Variants in PFKFB1 observed in about 807,000 individuals in gnomAD.
PFKFB1 encodes 6-phosphofructo-2-kinase/fructose-2,6-biphosphatase 1.
Under a neutral mutation model 46.4 loss-of-function variants are expected in PFKFB1, and 34 were observed. That is an observed-to-expected ratio of 0.73 (90% CI 0.56 to 0.98). The LOEUF (loss-of-function observed/expected upper bound fraction) is 0.98. Ranked by LOEUF, PFKFB1 falls within the 50% of genes least tolerant of loss-of-function variation. The pLI is 0.00. For missense variants in PFKFB1, 393 were observed against 376.3 expected, an observed-to-expected ratio of 1.04 and a Z score of -0.37; for synonymous variants, 119 against 133.8, an observed-to-expected ratio of 0.89 and a Z score of 0.76.
At chrX:54,954,970 T>A (rs1037334414) in intron 7 of PFKFB1, among the ~76,000 whole-genome samples, 1 of 112,094 alleles carries the variant, frequency 8.9e-6, no homozygotes, top group African/African-American at 3.2e-5. Context: ...TTCACTTACA[T>A]CCTTCACCCC....
chrX:54,986,317 A>G (rs1286321315), intron 1 of PFKFB1, among the ~76,000 whole-genome samples: 1 of 112,311 alleles, frequency 8.9e-6, no homozygotes, highest in Non-Finnish European at 1.9e-5. Context: ...AAAAAGAGAA[A>G]GAAGCAAATA....
At position 54,948,462 on chromosome X, in the gene PFKFB1, CATT is replaced by C. The variant is rs752883327; in HGVS notation, c.993+610_993+612del. 8.0e-5 allele frequency among the ~76,000 whole-genome samples: 9 copies of C among 112,169 alleles called. No individual in the cohort carries two copies. The East Asian group carries it at 1.1e-3, about 14-fold the overall frequency. On this transcript the variant is annotated intron_variant, in intron 9 of 13. Coordinates refer to ENST00000375006, the MANE Select transcript of PFKFB1 (RefSeq NM_002625.4). ...GATGTGGACCCCATCAATGACATCT[CATT>C]GTTGTTTGGGCAGCATTTGAATCCC...
intron 10 of PFKFB1, among the ~76,000 whole-genome samples, chrX:54,940,947 C>G (rs1465094578): frequency 9.0e-6 from 1 of 111,611 alleles, no homozygotes; most frequent in Non-Finnish European, 1.9e-5. Flanking sequence ...AATCCTAAGT[C>G]AAAAGAACAA....
intron 1 of PFKFB1, 134 bp from the exon 2 acceptor site, chrX:54,963,516 T>C: frequency 1.6e-6 from 1 of 622,187 alleles, no homozygotes; most frequent in Non-Finnish European, 2.4e-6. Context: ...AAGTGAAAAT[T>C]AAGAACTTCT....
At chrX:54,977,094 C>G (rs947529298) in intron 1 of PFKFB1, among the ~76,000 whole-genome samples, 1 of 110,486 alleles carries the variant, frequency 9.1e-6, no homozygotes, top group Non-Finnish European at 1.9e-5. Context: ...TGTCAAAACT[C>G]ACAAAACTGA....
At chrX:54,934,796 C>G in intron 12 of PFKFB1, 151 bp downstream of exon 12, 1 of 473,723 alleles carries the variant, frequency 2.1e-6, no homozygotes, top group Non-Finnish European at 3.8e-6. Flanking sequence ...CTACTACCAT[C>G]AGTCCCACCC....
At chrX:54,940,368 C>A (rs1933575967) in intron 10 of PFKFB1, among the ~76,000 whole-genome samples, 1 of 111,698 alleles carries the variant, frequency 9.0e-6, no homozygotes, top group East Asian at 2.8e-4. Context: ...TCCTATTCAA[C>A]ATAGTGTTGG....
At position 54,949,061 on chromosome X, in the gene PFKFB1, C is replaced by T. The variant is rs748913047; in HGVS notation, c.993+14G>A. On this transcript the variant is annotated intron_variant, in intron 9 of 13. Transcript: ENST00000375006. Reference sequence around the variant, plus strand: ...TCACCCCCACACACAGGAGATTCACCCCATGCATCTCACCGCATCAATCTC... The same window carrying T: ...TCACCCCCACACACAGGAGATTCACTCCATGCATCTCACCGCATCAATCTC... 1.1e-4 allele frequency: 129 copies of T among 1,205,325 alleles called. No individual in the cohort carries two copies. The South Asian group carries it at 2.1e-3, about 19-fold the overall frequency.
At chrX:54,967,455 C>A (rs899219358) in intron 1 of PFKFB1, among the ~76,000 whole-genome samples, 1 of 104,334 alleles carries the variant, frequency 9.6e-6, no homozygotes, top group Middle Eastern at 4.4e-3. Context: ...GCAACAAAAG[C>A]CAAAATTGAC....
At chrX:54,989,461 C>T (rs1273921824) in intron 1 of PFKFB1, among the ~76,000 whole-genome samples, 3 of 111,328 alleles carry the variant, frequency 2.7e-5, no homozygotes, top group African/African-American at 9.8e-5. Context: ...TTTGTAACTA[C>T]GAACTTTCAA....
At position 54,959,097 on chromosome X, in the gene PFKFB1, A is replaced by C. The variant is rs935361673; in HGVS notation, c.385-172T>G. Among the ~76,000 whole-genome samples, 21 of 111,396 alleles carry C rather than the reference A, an allele frequency of 1.9e-4. 1 individual carries two copies. The highest frequency in any genetic ancestry group is 3.6e-4 in the Non-Finnish European group (19 of 53,017). On this transcript the variant is annotated intron_variant, in intron 4 of 13. Coordinates refer to ENST00000375006, the MANE Select transcript of PFKFB1 (RefSeq NM_002625.4). ...GCTTATGACAATTTCACAAGCACATATTGGGCCCTTATGGTCTGTCCAGAA... is the reference window on the plus strand; with the variant it reads ...GCTTATGACAATTTCACAAGCACATCTTGGGCCCTTATGGTCTGTCCAGAA...
intron 11 of PFKFB1, among the ~76,000 whole-genome samples, chrX:54,936,364 A>AT (rs1933388793): frequency 1.3e-5 from 1 of 74,118 alleles, no homozygotes; most frequent in Non-Finnish European, 2.4e-5. Context: ...CATTCACCTA[A>AT]GTAATGGGGT....
chrX:54,998,757 G>A (rs188812556), upstream of PFKFB1, among the ~76,000 whole-genome samples: 2 of 112,515 alleles, frequency 1.8e-5, no homozygotes, highest in Non-Finnish European at 3.8e-5. Context: ...TCTGGATTTC[G>A]CTGGTGCTGA....
At chrX:54,941,942 A>G (rs972984323) in intron 10 of PFKFB1, among the ~76,000 whole-genome samples, 1 of 112,010 alleles carries the variant, frequency 8.9e-6, no homozygotes, top group Admixed American at 9.5e-5. Flanking sequence ...ACACATGCAC[A>G]CGTATGTTTA....
At chrX:54,978,864 A>C (rs1399297199) in intron 1 of PFKFB1, among the ~76,000 whole-genome samples, 1 of 111,999 alleles carries the variant, frequency 8.9e-6, no homozygotes, top group African/African-American at 3.2e-5. Flanking sequence ...AAAACACTTG[A>C]CCAAAATTGT....
rs770152206 is a variant in PFKFB1 at position 54,956,103 on chromosome X, C to A, written c.638+50G>T. The A allele has an allele frequency of 3.3e-6, 3 of 918,248 alleles. No homozygotes were observed. In the East Asian group the frequency reaches 9.4e-5, roughly 29 times the overall value. The allele number at this position is 918,248 out of a possible 1,213,427, so 75.7% of individuals were successfully genotyped here. On this transcript the variant is annotated intron_variant, in intron 7 of 13. Transcript: ENST00000375006. ...ATTTACTCTAGGTTCTACAGGATAT[C>A]AAAACTGGGTGAAAGATCTAGACCT...
At chrX:54,938,537 G>C (rs938830987) in intron 10 of PFKFB1, among the ~76,000 whole-genome samples, 1 of 111,243 alleles carries the variant, frequency 9.0e-6, no homozygotes, top group African/African-American at 3.3e-5. Flanking sequence ...TCAAAATAAA[G>C]GGATGGAGGA....
intron 1 of PFKFB1, among the ~76,000 whole-genome samples, chrX:54,984,059 T>C (rs761055186): frequency 6.3e-5 from 7 of 111,405 alleles, no homozygotes; most frequent in South Asian, 7.5e-4. Flanking sequence ...GATAAGAAAC[T>C]TCTATAAAGC....
intron 1 of PFKFB1, among the ~76,000 whole-genome samples, chrX:54,979,587 A>G (rs1934920506): frequency 8.9e-6 from 1 of 111,823 alleles, no homozygotes; most frequent in Non-Finnish European, 1.9e-5. Flanking sequence ...TGAGAAAATA[A>G]TTACTGATCT....
Sources: allele counts gnomAD v4.1 joint callset (sites outside exome capture counted in the v4.1 genomes callset), GRCh38; gene constraint gnomAD v4.1.1; transcripts MANE v1.5; gene names NCBI Gene and HGNC (gene_info 2026-07-23, HGNC 2026-07-21).